Variants in NALF1 observed in about 807,000 individuals in gnomAD.
NALF1 encodes the protein family with sequence similarity 155 member A.
In NALF1, 3 loss-of-function variants were observed where a neutral mutation model predicts 48.4. The observed-to-expected ratio is 0.06, with a 90% CI of 0.03 to 0.16. NALF1 has a LOEUF of 0.16. Among genes scored for constraint, NALF1 ranks in the 10% least tolerant of loss-of-function variants. The pLI, the probability that NALF1 is intolerant of heterozygous loss-of-function variation, is 1.00. For synonymous variants in NALF1, 262 were observed against 245.7 expected (o/e 1.07, Z -0.62); for missense variants, 526 against 571.5 (o/e 0.92, Z 0.81).
intron 1 of NALF1, among the ~76,000 whole-genome samples, chr13:107,475,146 A>G (rs1005272810): frequency 1.8e-4 from 27 of 152,304 alleles, no homozygotes; most frequent in African/African-American, 6.5e-4. Context: ...AAGGGAAACA[A>G]CACTACAGGC....
intron 1 of NALF1, among the ~76,000 whole-genome samples, chr13:107,832,037 C>T (rs1286293022): frequency 6.6e-6 from 1 of 152,048 alleles, no homozygotes; most frequent in Non-Finnish European, 1.5e-5. Flanking sequence ...CCATATTGTC[C>T]TTCCATTTAG....
intron 1 of NALF1, among the ~76,000 whole-genome samples, chr13:107,260,679 T>C (rs1880912587): frequency 6.6e-6 from 1 of 152,226 alleles, no homozygotes; most frequent in African/African-American, 2.4e-5. Flanking sequence ...CTCATTGTCC[T>C]TACATTTTAA....
At chr13:107,177,729 T>C (rs1356068987) in intron 2 of NALF1, among the ~76,000 whole-genome samples, 1 of 152,182 alleles carries the variant, frequency 6.6e-6, no homozygotes, top group Admixed American at 6.5e-5. Context: ...TTTCTTGCCA[T>C]ATACGAAAAT....
rs1291733109 is a variant in NALF1 at position 107,375,802 on chromosome 13, G to T, written c.916-165047C>A. On this transcript the variant is annotated intron_variant, in intron 1 of 2. Transcript: ENST00000375915. ...GAATGTTCTAGAGAGGATTCAGAGAGAATTTACCCAACCTGGGTAGGGAGT... is the reference window on the plus strand; with the variant it reads ...GAATGTTCTAGAGAGGATTCAGAGATAATTTACCCAACCTGGGTAGGGAGT... 3.3e-5 allele frequency among the ~76,000 whole-genome samples: 5 copies of T among 152,228 alleles called. No individual in the cohort carries two copies. The East Asian group carries it at 7.7e-4, about 24-fold the overall frequency.
At chr13:107,703,096 C>T (rs1339705967) in intron 1 of NALF1, among the ~76,000 whole-genome samples, 1 of 152,040 alleles carries the variant, frequency 6.6e-6, no homozygotes, top group African/African-American at 2.4e-5. Context: ...GGTATTTCTG[C>T]CTCAGAAATG....
intron 1 of NALF1, among the ~76,000 whole-genome samples, chr13:107,512,255 G>A (rs948827198): frequency 6.6e-6 from 1 of 152,108 alleles, no homozygotes; most frequent in East Asian, 1.9e-4. Flanking sequence ...TTAGCCAGGC[G>A]AGGTAGCACA....
chr13:107,609,540 G>A (rs1292778482), intron 1 of NALF1, among the ~76,000 whole-genome samples: 1 of 152,158 alleles, frequency 6.6e-6, no homozygotes, highest in Non-Finnish European at 1.5e-5. Flanking sequence ...CACAGCCACT[G>A]AGTATTTTTT....
At chr13:107,321,814 CT>C (rs748356784) in intron 1 of NALF1, among the ~76,000 whole-genome samples, 3 of 152,128 alleles carry the variant, frequency 2.0e-5, no homozygotes, top group Non-Finnish European at 4.4e-5. Context: ...CCTGTTAACA[CT>C]TTTTCAATCA....
Position 107,407,220 on chromosome 13 carries a change from A to G in NALF1, c.916-196465T>C, listed in dbSNP as rs192242532. ...ACACTGAGCAAAGATATCTTGTGTC[A>G]TACCCCGCAAGCACAAGTAACAAAA... On this transcript the variant is annotated intron_variant, in intron 1 of 2. Transcript: ENST00000375915. 3.8e-3 allele frequency among the ~76,000 whole-genome samples: 578 copies of G among 152,192 alleles called. 3 individuals carry two copies. Among genetic ancestry groups the G allele is most frequent in the African/African-American group, 0.013 (559 of 41,564 alleles).
At chr13:107,773,592 C>T (rs992508258) in intron 1 of NALF1, among the ~76,000 whole-genome samples, 1 of 151,590 alleles carries the variant, frequency 6.6e-6, no homozygotes, top group Non-Finnish European at 1.5e-5. Flanking sequence ...TTTTTAACAA[C>T]AGTATGCGTT....
intron 1 of NALF1, among the ~76,000 whole-genome samples, chr13:107,670,446 T>C (rs1880964263): frequency 1.3e-5 from 2 of 152,116 alleles, no homozygotes; most frequent in South Asian, 4.1e-4. Flanking sequence ...CCCCCTTTCT[T>C]ATGGAAATCA....
At chr13:107,865,106 T>G (rs1476486317) in intron 1 of NALF1, among the ~76,000 whole-genome samples, 3 of 152,130 alleles carry the variant, frequency 2.0e-5, no homozygotes, top group Admixed American at 6.5e-5. Context: ...TTAAAAAAAG[T>G]AAATATCCTC....
At chr13:107,347,972 C>T (rs549955775) in intron 1 of NALF1, among the ~76,000 whole-genome samples, 3 of 152,168 alleles carry the variant, frequency 2.0e-5, no homozygotes, top group Non-Finnish European at 4.4e-5. Context: ...CACACCTCTC[C>T]GCAGAAAGCA....
intron 1 of NALF1, among the ~76,000 whole-genome samples, chr13:107,486,901 T>C (rs1396974598): frequency 1.3e-5 from 2 of 152,210 alleles, no homozygotes; most frequent in Non-Finnish European, 2.9e-5. Context: ...ATATATTCCA[T>C]ACAAAGACTT....
intron 1 of NALF1, among the ~76,000 whole-genome samples, chr13:107,861,563 T>C (rs976602665): frequency 6.6e-6 from 1 of 152,200 alleles, no homozygotes. Flanking sequence ...GGCGGGCAGA[T>C]CACGAGGTCA....
intron 1 of NALF1, among the ~76,000 whole-genome samples, chr13:107,703,398 T>C (rs1209647448): frequency 1.3e-5 from 2 of 150,360 alleles, no homozygotes; most frequent in East Asian, 3.9e-4. Flanking sequence ...AGTCTCGCAC[T>C]GTCACCCAGC....
chr13:107,190,498 T>G (rs1879258947), intron 2 of NALF1, among the ~76,000 whole-genome samples: 1 of 152,238 alleles, frequency 6.6e-6, no homozygotes, highest in African/African-American at 2.4e-5. Flanking sequence ...CAATTTGATC[T>G]GCCAGTTTTT....
At chr13:107,268,077 C>T (rs551434281) in intron 1 of NALF1, among the ~76,000 whole-genome samples, 1 of 150,388 alleles carries the variant, frequency 6.6e-6, no homozygotes, top group South Asian at 2.1e-4. Flanking sequence ...ACCTCCGCTT[C>T]CCAGGTTCAA....
At chr13:107,404,410 T>C (rs934549038) in intron 1 of NALF1, among the ~76,000 whole-genome samples, 1 of 151,984 alleles carries the variant, frequency 6.6e-6, no homozygotes, top group Admixed American at 6.6e-5. Flanking sequence ...TGGTTTATAT[T>C]TGAAAAAAAA....
Sources: allele counts gnomAD v4.1 joint callset (sites outside exome capture counted in the v4.1 genomes callset), GRCh38; gene constraint gnomAD v4.1.1; transcripts MANE v1.5; gene names NCBI Gene and HGNC (gene_info 2026-07-23, HGNC 2026-07-21).